Variants in RBM19 observed in about 807,000 individuals in gnomAD.
The protein encoded by RBM19 is probable RNA-binding protein 19.
In RBM19, 94 loss-of-function variants were observed where a neutral mutation model predicts 116.8. The observed-to-expected ratio is 0.80, with a 90% CI of 0.68 to 0.95. The LOEUF is 0.95. Among genes scored for constraint, RBM19 ranks in the 40% least tolerant of loss-of-function variants. The probability of loss-of-function intolerance (pLI) is 0.00; values close to 1 mark genes in which losing one functional copy is unlikely to be tolerated. For missense variants in RBM19, 1,161 were observed against 1,220.7 expected, an observed-to-expected ratio of 0.95 and a Z score of 0.73; for synonymous variants, 475 against 494.1, an observed-to-expected ratio of 0.96 and a Z score of 0.51.
intron 21 of RBM19, among the ~76,000 whole-genome samples, chr12:113,872,411 G>A (rs572576829): frequency 8.3e-5 from 11 of 133,112 alleles, no homozygotes; most frequent in South Asian, 2.6e-4. Context: ...TCAGCCCTCC[G>A]CCCGGCCAGC....
chr12:113,895,235 C>A (rs1881234850), intron 21 of RBM19, among the ~76,000 whole-genome samples: 1 of 152,214 alleles, frequency 6.6e-6, no homozygotes, highest in Non-Finnish European at 1.5e-5. Flanking sequence ...CTCCATTAAC[C>A]TGCAAGGTGG....
chr12:113,886,228 G>A (rs73210904), intron 21 of RBM19, among the ~76,000 whole-genome samples: 1 of 151,932 alleles, frequency 6.6e-6, no homozygotes, highest in African/African-American at 2.4e-5. Flanking sequence ...TGCCTCATAG[G>A]CTCAAGTGAT....
intron 22 of RBM19, among the ~76,000 whole-genome samples, chr12:113,850,253 T>C (rs957548460): frequency 3.3e-5 from 5 of 152,210 alleles, no homozygotes; most frequent in African/African-American, 2.4e-5. Context: ...GATTTCCTAC[T>C]TCAGATGGGG....
At chr12:113,820,667 AT>A (rs1327085633), downstream of RBM19, among the ~76,000 whole-genome samples, 1 of 152,046 alleles carries the variant, frequency 6.6e-6, no homozygotes, top group East Asian at 1.9e-4. Flanking sequence ...TGGGCGCGGC[AT>A]GAAGGGGCAC....
At chr12:113,899,837 C>G (rs146404399) in intron 21 of RBM19, among the ~76,000 whole-genome samples, 1 of 152,118 alleles carries the variant, frequency 6.6e-6, no homozygotes, top group African/African-American at 2.4e-5. Flanking sequence ...GAAGACATGG[C>G]GCGCAATTAT....
rs146390362 is a variant in RBM19 at position 113,918,428 on chromosome 12, T to C, written c.2405A>G (p.His802Arg). 2.8e-5 allele frequency: 45 copies of C among 1,614,216 alleles called. No individual in the cohort carries two copies. The African/African-American group carries it at 4.8e-4, about 17-fold the overall frequency. Residue 802 changes from histidine to arginine, a missense_variant, in exon 20 of 24, where the codon CAC becomes CGC. By Grantham distance (29) the His-to-Arg change is conservative (BLOSUM62 0). Coordinates refer to ENST00000261741, the MANE Select transcript of RBM19 (RefSeq NM_016196.4). ...TTCCGAGATCCTCACTTCCAGCTTG[T>C]GGCCGTCCACGACGTGACCCTAAGA... ...KQLQGHVVDG[H>R]KLEVRISERA...
At chr12:113,883,489 A>C (rs998422557) in intron 21 of RBM19, among the ~76,000 whole-genome samples, 3 of 152,244 alleles carry the variant, frequency 2.0e-5, no homozygotes, top group Admixed American at 1.3e-4. Flanking sequence ...TTCTTCTGGA[A>C]GGTAGTAGCA....
intron 8 of RBM19, 141 bp downstream of exon 8, chr12:113,952,371 G>T: frequency 1.4e-6 from 1 of 721,466 alleles, no homozygotes; most frequent in Non-Finnish European, 2.3e-6. Context: ...AACCTGCCCA[G>T]GCTGACCACA....
intron 21 of RBM19, among the ~76,000 whole-genome samples, chr12:113,887,879 C>T (rs1469936817): frequency 6.6e-6 from 1 of 151,976 alleles, no homozygotes; most frequent in African/African-American, 2.4e-5. Context: ...CACCAACATG[C>T]TCAGCTAGTT....
rs970241385 is a variant in RBM19 at position 113,903,445 on chromosome 12, G to A, written c.2558+11524C>T. Among the ~76,000 whole-genome samples the A allele has an allele frequency of 2.0e-5, 3 of 152,164 alleles. No homozygotes were observed. The highest frequency in any genetic ancestry group is 7.2e-5 in the African/African-American group (3 of 41,424). On this transcript the variant is annotated intron_variant, in intron 21 of 23. Transcript: ENST00000261741. This position sits in a 1 kb window ranked among gnomAD's most constrained non-coding sequence, Gnocchi z 5.1. ...GACAGACATCTGTTTTTGTGTGAAC[G>A]TGAGTTGTCATTTCTCTGTTGTTGA... is the stretch of plus-strand genomic sequence containing the variant.
chr12:113,861,474 C>CTGTGTGTG (rs57704604), intron 21 of RBM19, among the ~76,000 whole-genome samples: 7,576 of 126,306 alleles, frequency 0.06, 270 homozygotes, highest in South Asian at 0.071. Context: ...AAGCCAGACT[C>CTGTGTGTG]TGTGTGTGTG....
chr12:113,854,370 C>G (rs757866537), intron 22 of RBM19, among the ~76,000 whole-genome samples: 7 of 152,092 alleles, frequency 4.6e-5, no homozygotes, highest in African/African-American at 1.7e-4. Flanking sequence ...CAACTGACAG[C>G]CGTGCACACG....
chr12:113,888,370 C>T (rs373348054), intron 21 of RBM19, among the ~76,000 whole-genome samples: 1 of 152,158 alleles, frequency 6.6e-6, no homozygotes, highest in Admixed American at 6.5e-5. Context: ...TAGATTTCAG[C>T]CCAAATCTCG....
intron 21 of RBM19, among the ~76,000 whole-genome samples, chr12:113,870,723 T>G (rs1208672388): frequency 6.6e-6 from 1 of 152,004 alleles, no homozygotes; most frequent in Admixed American, 6.5e-5. Context: ...CCTAGGAAAT[T>G]AGAAAACTCT....
intron 8 of RBM19, 55 bp from the exon 9 acceptor site, chr12:113,950,209 TG>T: frequency 6.9e-7 from 1 of 1,440,552 alleles, no homozygotes. Flanking sequence ...ACACTTGTGG[TG>T]GTCCCCAGAG....
intron 23 of RBM19, among the ~76,000 whole-genome samples, chr12:113,830,570 C>CG (rs869235673): frequency 0.11 from 897 of 7,818 alleles, 129 homozygotes; most frequent in Non-Finnish European, 0.14. Flanking sequence ...GCTAGGGCTG[C>CG]GGGGCGGGGG....
intron 18 of RBM19, among the ~76,000 whole-genome samples, chr12:113,924,128 G>A (rs1181293885): frequency 6.6e-6 from 1 of 152,234 alleles, no homozygotes; most frequent in Non-Finnish European, 1.5e-5. Flanking sequence ...AGGAGACTCA[G>A]AATAGCACCC....
chr12:113,959,122 A>G (rs1008731365), intron 5 of RBM19, 90 bp downstream of exon 5: 2 of 1,426,612 alleles, frequency 1.4e-6, no homozygotes, highest in Non-Finnish European at 1.9e-6. Context: ...CCTGACTCCT[A>G]GAGTCTGCAC....
In RBM19 at chr12:113,955,137, G is replaced by A; in HGVS notation, c.915C>T (p.Val305=). 6.2e-7 allele frequency: 1 copy of A among 1,614,068 alleles called. No homozygotes were observed. The highest frequency in any genetic ancestry group is 8.5e-7 in the Non-Finnish European group (1 of 1,180,002). ...GTCCTCAGTTAGCACATACCTCTGT[G>A]ACATTGAACGGGGCTCCCCGCAGCT... ...TVKLRGAPFN[V]TEKNVMEFLA... The change falls in exon 7 of 24, where the codon GTC becomes GTT. Residue 305 remains valine (V), a synonymous_variant. Coordinates refer to ENST00000261741, the MANE Select transcript of RBM19 (RefSeq NM_016196.4).
Sources: gnomAD v4.1 joint callset for allele counts (sites outside exome capture counted in the v4.1 genomes callset) on GRCh38, gnomAD v4.1.1 for gene constraint, Gnocchi (gnomAD v3.1) non-coding constraint, MANE v1.5 for transcripts, NCBI Gene and HGNC (gene_info 2026-07-23, HGNC 2026-07-21) for gene names.